Variants in MCMBP observed in about 807,000 individuals in gnomAD.
MCMBP encodes the protein mini-chromosome maintenance complex-binding protein.
MCMBP carries 31 observed loss-of-function variants against 81.3 expected under a neutral mutation model. The ratio of observed to expected loss-of-function variants is 0.38; its 90% CI spans 0.29 to 0.51. The LOEUF is 0.51. Among genes scored for constraint, MCMBP ranks in the 20% least tolerant of loss-of-function variants. The probability of loss-of-function intolerance (pLI) is 0.87; values close to 1 mark genes in which losing one functional copy is unlikely to be tolerated. For synonymous variants in MCMBP, 267 were observed against 275.9 expected (o/e 0.97, Z 0.32); for missense variants, 645 against 772.1 (o/e 0.84, Z 1.95).
At position 119,831,490 on chromosome 10, in the gene MCMBP, T is replaced by C. The variant is rs1852033038; in HGVS notation, c.1907A>G (p.Asn636Ser). Residue 636 changes from asparagine (N) to serine (S), a missense_variant, in exon 16 of 16, where the codon AAT becomes AGT. Asn to Ser is a conservative substitution (Grantham distance 46). Transcript: ENST00000369077. ...RTRLQQQKCVNGNEL is the reference protein window; with the variant it reads ...RTRLQQQKCVSGNEL Reference sequence around the variant, plus strand: ...ATTACATCTTTAAAGTTCATTTCCATTCACACATTTTTGCTGCTGAAGCCT... The same window carrying C: ...ATTACATCTTTAAAGTTCATTTCCACTCACACATTTTTGCTGCTGAAGCCT... 1 of 1,613,838 alleles carries C rather than the reference T, an allele frequency of 6.2e-7. No homozygotes were observed. Among genetic ancestry groups the C allele is most frequent in the Non-Finnish European group, 8.5e-7 (1 of 1,179,886 alleles).
At chr10:119,848,837 G>GA (rs1852711356) in intron 7 of MCMBP, among the ~76,000 whole-genome samples, 1 of 152,130 alleles carries the variant, frequency 6.6e-6, no homozygotes, top group African/African-American at 2.4e-5. Flanking sequence ...GAAGGAAGAA[G>GA]ACAAAAATGA....
chr10:119,865,117 T>C (rs969071367), intron 1 of MCMBP, among the ~76,000 whole-genome samples: 17 of 152,180 alleles, frequency 1.1e-4, no homozygotes, highest in African/African-American at 4.1e-4. Context: ...GAGAGAGGAG[T>C]AGTAAAATAT....
In MCMBP at chr10:119,859,200, A is replaced by C. The variant is rs1385754350; in HGVS notation, c.145-19T>G. 1.9e-6 allele frequency: 3 copies of C among 1,608,288 alleles called. No individual in the cohort carries two copies. The East Asian group carries it at 6.7e-5, about 36-fold the overall frequency. ...ATGGTACCTTAAAGGAAAATAATCAAGTCAGTCAACTAAATATCCTGTCTA... is the reference window on the plus strand; with the variant it reads ...ATGGTACCTTAAAGGAAAATAATCACGTCAGTCAACTAAATATCCTGTCTA... On this transcript the variant is annotated intron_variant, in intron 2 of 15. Coordinates refer to ENST00000369077, the MANE Select transcript of MCMBP (RefSeq NM_001256378.2).
chr10:119,852,755 T>C (rs1852877597), intron 6 of MCMBP, among the ~76,000 whole-genome samples: 1 of 152,154 alleles, frequency 6.6e-6, no homozygotes, highest in Non-Finnish European at 1.5e-5. Flanking sequence ...ATTTTTAGGG[T>C]AAAGTACCAG....
chr10:119,844,916 T>TA (rs1852565883), intron 8 of MCMBP, among the ~76,000 whole-genome samples: 4 of 152,204 alleles, frequency 2.6e-5, no homozygotes, highest in Admixed American at 2.6e-4. Flanking sequence ...GACTGAAGCC[T>TA]ACACTGGTGG....
chr10:119,831,838 C>T (rs929673374), intron 15 of MCMBP, among the ~76,000 whole-genome samples, 174 bp downstream of exon 15: 6 of 152,208 alleles, frequency 3.9e-5, no homozygotes, highest in Non-Finnish European at 8.8e-5. Flanking sequence ...GCCTGTTCCA[C>T]TGAAGAGATC....
At chr10:119,838,826 G>A (rs1314910308) in intron 11 of MCMBP, 126 bp from the exon 12 acceptor site, 2 of 792,756 alleles carry the variant, frequency 2.5e-6, no homozygotes, top group South Asian at 2.7e-5. Context: ...AGGGAGTAGT[G>A]ATATGGTTTC....
chr10:119,848,251 A>T (rs2901217), intron 7 of MCMBP, among the ~76,000 whole-genome samples: 1 of 152,142 alleles, frequency 6.6e-6, no homozygotes, highest in African/African-American at 2.4e-5. Context: ...ACCTGGTAGA[A>T]GCAAGGCAGG....
chr10:119,847,479 G>A lies in MCMBP; in HGVS notation c.827+134C>T, dbSNP rs564369246. 69 of 493,188 alleles carry A rather than the reference G, an allele frequency of 1.4e-4. No individual in the cohort carries two copies. The South Asian group carries it at 1.5e-3, about 10-fold the overall frequency. 30.6% of individuals were successfully genotyped at this position (493,188 alleles called of 1,614,324 possible). A position where few individuals can be genotyped will look rare whatever the true frequency, so the allele number is the denominator to read the frequency against. On this transcript the variant is annotated intron_variant, in intron 8 of 15. Transcript: ENST00000369077. ...GCACAAATGAATGACAAAACACATG[G>A]GGTGCAAGTGTTTACAACTGGTACA...
chr10:119,838,244 T>C (rs569733123), intron 12 of MCMBP, among the ~76,000 whole-genome samples: 17 of 148,204 alleles, frequency 1.1e-4, no homozygotes, highest in South Asian at 8.4e-4. Flanking sequence ...ATATAATATA[T>C]GATATATATT....
At chr10:119,853,397 A>G (rs1852901972) in intron 5 of MCMBP, among the ~76,000 whole-genome samples, 1 of 152,222 alleles carries the variant, frequency 6.6e-6, no homozygotes, top group Non-Finnish European at 1.5e-5. Flanking sequence ...GTAAACAACA[A>G]TGTAACTGGA....
intron 15 of MCMBP, 43 bp downstream of exon 15, chr10:119,831,969 C>A (rs1328916085): frequency 1.3e-6 from 2 of 1,550,648 alleles, no homozygotes; most frequent in Non-Finnish European, 1.8e-6. Flanking sequence ...AAGACATATA[C>A]ACAAGCTTAC....
intron 14 of MCMBP, among the ~76,000 whole-genome samples, chr10:119,832,606 G>A (rs1852087716): frequency 1.3e-5 from 2 of 152,084 alleles, no homozygotes; most frequent in South Asian, 4.2e-4. Flanking sequence ...TCAACAGCCT[G>A]GCAGCCACCG....
chr10:119,865,015 T>C (rs1051127440), intron 1 of MCMBP, among the ~76,000 whole-genome samples: 2 of 152,258 alleles, frequency 1.3e-5, no homozygotes, highest in Non-Finnish European at 2.9e-5. Context: ...GGTAAACAAA[T>C]GTCAATTAGA....
At position 119,831,203 on chromosome 10, in the gene MCMBP, A is replaced by ATATTAAACT. The variant is rs1852020313; in HGVS notation, c.*262_*270dup. On this transcript the variant is annotated 3_prime_UTR_variant, in exon 16 of 16. Transcript: ENST00000369077. ...AATGGTACAATCAGCAACATTATCA[A>ATATTAAACT]TATTAAACTTTTAATATCAAATACT... is the stretch of plus-strand genomic sequence containing the variant. 4.7e-6 allele frequency: 1 copy of ATATTAAACT among 210,816 alleles called. No homozygotes were observed. The highest frequency in any genetic ancestry group is 5.6e-5 in the Admixed American group (1 of 17,716). The allele number at this position is 210,816 out of a possible 1,614,324, so 13.1% of individuals were successfully genotyped here.
chr10:119,839,356 C>T (rs1455409646), intron 11 of MCMBP, among the ~76,000 whole-genome samples: 1 of 152,164 alleles, frequency 6.6e-6, no homozygotes, highest in East Asian at 1.9e-4. Context: ...TTCCATCCCT[C>T]CAGCCTCAAA....
At chr10:119,840,809 T>C (rs1265775893) in intron 11 of MCMBP, 34 bp downstream of exon 11, 34 of 1,276,292 alleles carry the variant, frequency 2.7e-5, no homozygotes, top group Non-Finnish European at 3.6e-5. Flanking sequence ...TTAAGTGTGC[T>C]TAGGTTTATA....
chr10:119,847,571 T>C (rs1217092820), intron 8 of MCMBP, 42 bp downstream of exon 8: 4 of 1,219,148 alleles, frequency 3.3e-6, no homozygotes, highest in Non-Finnish European at 4.7e-6. Flanking sequence ...CTTGAAATTA[T>C]ATAAAAATAA....
intron 12 of MCMBP, among the ~76,000 whole-genome samples, chr10:119,837,644 C>T (rs1273322045): frequency 1.3e-5 from 2 of 152,056 alleles, no homozygotes; most frequent in African/African-American, 4.8e-5. Flanking sequence ...ATTAGCCAGG[C>T]GTGATGGCGG....
Sources: allele counts gnomAD v4.1 joint callset (sites outside exome capture counted in the v4.1 genomes callset), GRCh38; gene constraint gnomAD v4.1.1; transcripts MANE v1.5; gene names NCBI Gene and HGNC (gene_info 2026-07-23, HGNC 2026-07-21).